BAZ1A: variants seen among roughly 807,000 people sequenced by gnomAD.
BAZ1A encodes bromodomain adjacent to zinc finger domain 1A, also known as bromodomain adjacent to zinc finger domain protein 1A.
A neutral mutation model predicts 185.2 loss-of-function variants in BAZ1A; 50 were observed. The observed-to-expected ratio is 0.27, with a 90% CI of 0.22 to 0.34. BAZ1A has a LOEUF of 0.34. BAZ1A is among the 10% of genes least tolerant of loss of function. The pLI, the probability that BAZ1A is intolerant of heterozygous loss-of-function variation, is 1.00. For synonymous variants in BAZ1A, 571 were observed against 615.6 expected, an observed-to-expected ratio of 0.93 and a Z score of 1.07; for missense variants, 1,356 against 1,839.9, an observed-to-expected ratio of 0.74 and a Z score of 4.81.
chr14:34,787,895 CTGTTA>C (rs1278832768), intron 12 of BAZ1A, among the ~76,000 whole-genome samples: 1 of 152,002 alleles, frequency 6.6e-6, no homozygotes, highest in Non-Finnish European at 1.5e-5. Flanking sequence ...AAAAACCCTT[CTGTTA>C]TATCATAGTA....
intron 21 of BAZ1A, among the ~76,000 whole-genome samples, chr14:34,766,180 G>C (rs907526607): frequency 6.6e-6 from 1 of 152,058 alleles, no homozygotes; most frequent in Admixed American, 6.6e-5. Flanking sequence ...TGCCTCTAAG[G>C]GTTGCTGGAA....
At chr14:34,760,483 A>G (rs1458166511) in intron 24 of BAZ1A, among the ~76,000 whole-genome samples, 1 of 131,708 alleles carries the variant, frequency 7.6e-6, no homozygotes, top group Admixed American at 8.3e-5. Flanking sequence ...TCTGAAGAAC[A>G]GTGGCTTTTT....
chr14:34,874,861 C>T lies in BAZ1A; in HGVS notation c.-58-199G>A. 2.6e-6 allele frequency: 1 copy of T among 382,914 alleles called. No individual in the cohort carries two copies. Among genetic ancestry groups the T allele is most frequent in the Admixed American group, 5.0e-5 (1 of 20,178 alleles). The allele number at this position is 382,914 out of a possible 1,614,324, so 23.7% of individuals were successfully genotyped here. On this transcript the variant is annotated intron_variant, in intron 1 of 26. Transcript: ENST00000360310. This position sits in a 1 kb window ranked among gnomAD's most constrained non-coding sequence, Gnocchi z 4.7. ...CGCCGCCGCCCCTGCCCCCCGAGCGCGCCCTACCTCCTCTCGTCCTGCCGC... is the reference window on the plus strand; with the variant it reads ...CGCCGCCGCCCCTGCCCCCCGAGCGTGCCCTACCTCCTCTCGTCCTGCCGC...
At chr14:34,864,776 ATT>A (rs35276443) in intron 2 of BAZ1A, among the ~76,000 whole-genome samples, 5 of 140,432 alleles carry the variant, frequency 3.6e-5, no homozygotes, top group African/African-American at 8.0e-5. Flanking sequence ...AGCGCAATAA[ATT>A]TTTTTTTTTT....
chr14:34,866,429 A>G (rs1333121570), intron 2 of BAZ1A, among the ~76,000 whole-genome samples: 1 of 148,298 alleles, frequency 6.7e-6, no homozygotes, highest in African/African-American at 2.5e-5. Context: ...CCGAGGTTGC[A>G]GTGAGCCAAG....
At chr14:34,811,401 A>C (rs1166775528) in intron 4 of BAZ1A, among the ~76,000 whole-genome samples, 7 of 152,184 alleles carry the variant, frequency 4.6e-5, no homozygotes, top group African/African-American at 1.7e-4. Flanking sequence ...TTGGCCTCCC[A>C]AAGTGCAGGG....
At chr14:34,832,702 T>A (rs1257675169) in intron 3 of BAZ1A, among the ~76,000 whole-genome samples, 2 of 152,164 alleles carry the variant, frequency 1.3e-5, no homozygotes, top group African/African-American at 4.8e-5. Context: ...AATGGAACAC[T>A]AGTGCATTGC....
intron 16 of BAZ1A, among the ~76,000 whole-genome samples, chr14:34,780,522 T>A (rs755938110): frequency 5.9e-5 from 9 of 152,190 alleles, no homozygotes; most frequent in African/African-American, 1.9e-4. Flanking sequence ...TTCAAGGTAC[T>A]ATGAAAACAT....
intron 12 of BAZ1A, 158 bp from the exon 13 acceptor site, chr14:34,786,379 T>A (rs1880439516): frequency 1.6e-6 from 1 of 607,738 alleles, no homozygotes; most frequent in African/African-American, 1.9e-5. Flanking sequence ...TTCTGCTTCA[T>A]CACCACCTAC....
chr14:34,863,324 C>T (rs1247906512), intron 2 of BAZ1A, among the ~76,000 whole-genome samples: 8 of 151,886 alleles, frequency 5.3e-5, no homozygotes, highest in East Asian at 3.9e-4. Context: ...CCACCACGCC[C>T]GGCTAATTTT....
At chr14:34,813,520 T>TA (rs1831594895) in intron 4 of BAZ1A, among the ~76,000 whole-genome samples, 1 of 151,874 alleles carries the variant, frequency 6.6e-6, no homozygotes, top group South Asian at 2.1e-4. Flanking sequence ...CCGTTTCTAC[T>TA]AAAAATACAA....
At chr14:34,852,525 A>G (rs1485778720) in intron 3 of BAZ1A, among the ~76,000 whole-genome samples, 1 of 152,122 alleles carries the variant, frequency 6.6e-6, no homozygotes, top group Non-Finnish European at 1.5e-5. Flanking sequence ...AGGCTGGGGC[A>G]TGAGAATGGC....
chr14:34,844,775 G>GCGCA (rs1555344285), intron 3 of BAZ1A, among the ~76,000 whole-genome samples: 6 of 135,486 alleles, frequency 4.4e-5, no homozygotes, highest in African/African-American at 1.7e-4. Context: ...ACACACACAC[G>GCGCA]CGCACACACA....
chr14:34,785,849 T>C lies in BAZ1A; in HGVS notation c.1759A>G (p.Met587Val), dbSNP rs140340879. 9 of 1,613,990 alleles carry C rather than the reference T, an allele frequency of 5.6e-6. No individual in the cohort carries two copies. Among genetic ancestry groups the C allele is most frequent in the Non-Finnish European group, 7.6e-6 (9 of 1,180,034 alleles). Residue 587 changes from methionine to valine, a missense_variant, in exon 14 of 27, where the codon ATG (methionine) becomes GTG (valine). This residue lies in a region of BAZ1A where 184 missense variants were observed against 355.1 expected (regional missense o/e 0.52). Transcript: ENST00000360310. ...GGFDATDDAC[M>V]ELRLSNPSLV... The stretch of plus-strand genomic sequence containing the variant: ...CTGGGATTGCTCAAACGAAGCTCCA[T>C]ACAAGCATCATCTGTAGCATCAAAT...
chr14:34,869,076 A>G (rs980150843), intron 2 of BAZ1A, among the ~76,000 whole-genome samples: 2 of 151,642 alleles, frequency 1.3e-5, no homozygotes, highest in Non-Finnish European at 2.9e-5. Flanking sequence ...GCTTGGTGGC[A>G]TATGCCTGTA....
At chr14:34,832,228 A>ATATATATATATATATATATATATATG (rs1437244262) in intron 3 of BAZ1A, among the ~76,000 whole-genome samples, 12 of 143,404 alleles carry the variant, frequency 8.4e-5, no homozygotes, top group African/African-American at 2.6e-4. Context: ...ATATATATAT[A>ATATATATATATATATATATATATATG]TATGTATGTA....
chr14:34,846,984 C>T (rs553611371), intron 3 of BAZ1A, among the ~76,000 whole-genome samples: 2 of 152,320 alleles, frequency 1.3e-5, no homozygotes, highest in South Asian at 4.1e-4. Flanking sequence ...GGCATGGTGG[C>T]TCACACCTGT....
chr14:34,809,746 T>G (rs968914340), intron 5 of BAZ1A, among the ~76,000 whole-genome samples: 1 of 151,898 alleles, frequency 6.6e-6, no homozygotes, highest in African/African-American at 2.4e-5. Flanking sequence ...AAAGTATAAG[T>G]CAAAAAGTAA....
intron 21 of BAZ1A, among the ~76,000 whole-genome samples, chr14:34,768,126 T>C (rs528891453): frequency 6.6e-6 from 1 of 152,356 alleles, no homozygotes; most frequent in African/African-American, 2.4e-5. Flanking sequence ...ATGTCTTGTT[T>C]ATCTTTTATC....
Sources: gnomAD v4.1 joint callset for allele counts (sites outside exome capture counted in the v4.1 genomes callset) on GRCh38, gnomAD v4.1.1 for gene constraint, gnomAD v4.1.1 regional missense constraint, Gnocchi (gnomAD v3.1) non-coding constraint, MANE v1.5 for transcripts, NCBI Gene and HGNC (gene_info 2026-07-23, HGNC 2026-07-21) for gene names.